Variants in FAM222B observed in about 807,000 individuals in gnomAD.
The protein encoded by FAM222B is protein FAM222B.
In FAM222B, 12 loss-of-function variants were observed where a neutral mutation model predicts 38.0. The observed-to-expected ratio is 0.32, with a 90% CI of 0.20 to 0.51. FAM222B has a LOEUF of 0.51. Among genes scored for constraint, FAM222B ranks in the 20% least tolerant of loss-of-function variants. The pLI is 0.97. For synonymous variants in FAM222B, 329 were observed against 317.2 expected, an observed-to-expected ratio of 1.04 and a Z score of -0.40; for missense variants, 716 against 754.2, an observed-to-expected ratio of 0.95 and a Z score of 0.59.
intron 1 of FAM222B, among the ~76,000 whole-genome samples, chr17:28,840,901 C>T (rs1319128648): frequency 6.6e-6 from 1 of 151,962 alleles, no homozygotes; most frequent in African/African-American, 2.4e-5. Context: ...GCGGAGGTTG[C>T]AGTGAACCAA....
chr17:28,822,765 T>G (rs1452821152), intron 1 of FAM222B, among the ~76,000 whole-genome samples: 1 of 117,486 alleles, frequency 8.5e-6, no homozygotes, highest in African/African-American at 3.3e-5. Context: ...ATCACGCCAC[T>G]GCACTCCAGC....
chr17:28,833,555 G>A (rs1418521566), intron 1 of FAM222B, among the ~76,000 whole-genome samples: 1 of 145,010 alleles, frequency 6.9e-6, no homozygotes, highest in Non-Finnish European at 1.5e-5. Flanking sequence ...TGAGGTTGCA[G>A]TCAGCTGAGA....
intron 1 of FAM222B, among the ~76,000 whole-genome samples, chr17:28,813,038 GGGGAGGGGGGGGC>G (rs2037865060): frequency 1.4e-5 from 1 of 71,286 alleles, no homozygotes; most frequent in Non-Finnish European, 3.2e-5. Context: ...GGGGGGGGGG[GGGGAGGGGGGGGC>G]GTTGGAGGCA....
Position 28,758,860 on chromosome 17 carries a change from G to A in FAM222B, c.1099C>T (p.Gln367Ter). Residue 367 changes from glutamine to a stop codon, truncating the protein, a stop_gained, in exon 3 of 3, where the codon CAG becomes TAG. Transcript: ENST00000581407. LOFTEE classifies it high-confidence loss of function. ...PSDLKPVTWNQHQLAHLQQMC... is the reference protein window; with the variant it reads ...PSDLKPVTWN ...TGCTGTAGGTGGGCCAGCTGGTGCTGGTTCCAGGTGACTGGCTTGAGGTCG... is the reference window on the plus strand; with the variant it reads ...TGCTGTAGGTGGGCCAGCTGGTGCTAGTTCCAGGTGACTGGCTTGAGGTCG... 1 of 1,606,014 alleles carries A rather than the reference G, an allele frequency of 6.2e-7. No individual in the cohort carries two copies. Among genetic ancestry groups the A allele is most frequent in the Non-Finnish European group, 8.5e-7 (1 of 1,176,856 alleles).
At chr17:28,831,128 G>A (rs2038655012) in intron 1 of FAM222B, among the ~76,000 whole-genome samples, 1 of 151,446 alleles carries the variant, frequency 6.6e-6, no homozygotes, top group African/African-American at 2.4e-5. Flanking sequence ...CTGAGTAGCT[G>A]GGACTACAGG....
At chr17:28,760,598 AAG>A (rs1555569742) in intron 2 of FAM222B, among the ~76,000 whole-genome samples, 3 of 151,798 alleles carry the variant, frequency 2.0e-5, no homozygotes, top group Admixed American at 1.3e-4. Context: ...AAAAAAAAAA[AAG>A]AGAGAAATGC....
chr17:28,825,989 G>A (rs970875964), intron 1 of FAM222B, among the ~76,000 whole-genome samples: 4 of 152,050 alleles, frequency 2.6e-5, no homozygotes, highest in African/African-American at 9.7e-5. Flanking sequence ...GGCCAGGCTG[G>A]TCTTGAACTC....
rs35921944 is a variant in FAM222B at position 28,814,770 on chromosome 17, C to CTTT, written c.-41+27909_-41+27911dup. Among the ~76,000 whole-genome samples the CTTT allele has an allele frequency of 1.8e-3, 206 of 117,558 alleles. 4 individuals are homozygous for CTTT. The East Asian group carries it at 0.021, about 12-fold the overall frequency. The allele number at this position is 117,558 out of a possible 152,430, so 77.1% of individuals were successfully genotyped here. ...GCATGAGCCAACGTGCCAGGCCGAT[C>CTTT]TTTTTTTTTTTTTTTTTTTTGAGAT... is the stretch of plus-strand genomic sequence containing the variant. On this transcript the variant is annotated intron_variant, in intron 1 of 2. Coordinates refer to ENST00000581407, the MANE Select transcript of FAM222B (RefSeq NM_001077498.3).
intron 2 of FAM222B, among the ~76,000 whole-genome samples, chr17:28,765,525 A>G (rs1245143961): frequency 6.6e-6 from 1 of 152,186 alleles, no homozygotes; most frequent in Admixed American, 6.5e-5. Flanking sequence ...TATCAAAGGG[A>G]AGCCTAGCCA....
At chr17:28,809,910 A>G (rs562060892) in intron 1 of FAM222B, among the ~76,000 whole-genome samples, 1 of 152,248 alleles carries the variant, frequency 6.6e-6, no homozygotes, top group East Asian at 1.9e-4. Flanking sequence ...GAACATAAAA[A>G]CCACCCAGAT....
chr17:28,830,990 CT>C (rs56073818), intron 1 of FAM222B, among the ~76,000 whole-genome samples: 34,153 of 117,322 alleles, frequency 0.29, 3,819 homozygotes, highest in South Asian at 0.39. Flanking sequence ...GTGAATGTTT[CT>C]TTTTTTTTTT....
intron 1 of FAM222B, among the ~76,000 whole-genome samples, chr17:28,778,717 ATATTTTTTTTTT>A (rs2036022793): frequency 1.7e-5 from 1 of 58,386 alleles, no homozygotes; most frequent in East Asian, 4.6e-4. Flanking sequence ...ATATATATAT[ATATTTTTTTTTT>A]TTTTTTTTTT....
At chr17:28,814,851 G>A (rs1357434379) in intron 1 of FAM222B, among the ~76,000 whole-genome samples, 1 of 145,980 alleles carries the variant, frequency 6.9e-6, no homozygotes, top group African/African-American at 2.6e-5. Context: ...TTGGCTCACT[G>A]CAACCTCTGC....
rs2151784382 is a variant in FAM222B, at chr17:28,766,678, C to T, written c.-11G>A. 1 of 1,595,160 alleles carries T rather than the reference C, an allele frequency of 6.3e-7. No homozygotes were observed. Among genetic ancestry groups the T allele is most frequent in the Non-Finnish European group, 8.5e-7 (1 of 1,170,240 alleles). Reference sequence around the variant, plus strand: ...TAGACAGGCTAGCATGGCAGATTGGCATCAACACAACATGGGGCAGTGGCT... The same window carrying T: ...TAGACAGGCTAGCATGGCAGATTGGTATCAACACAACATGGGGCAGTGGCT... On this transcript the variant is annotated 5_prime_UTR_variant, in exon 2 of 3. An upstream start codon of the reference 5' UTR is lost. Coordinates refer to ENST00000581407, the MANE Select transcript of FAM222B (RefSeq NM_001077498.3).
chr17:28,818,473 A>G (rs1480350120), intron 1 of FAM222B, among the ~76,000 whole-genome samples: 1 of 151,800 alleles, frequency 6.6e-6, no homozygotes, highest in African/African-American at 2.4e-5. Flanking sequence ...GCTTGCAGTC[A>G]GCCGAGATCG....
intron 1 of FAM222B, among the ~76,000 whole-genome samples, chr17:28,822,832 A>AATATATATAT (rs1254235399): frequency 1.5e-3 from 63 of 42,790 alleles, no homozygotes; most frequent in African/African-American, 2.5e-3. Flanking sequence ...AAAAAAAAAA[A>AATATATATAT]ATATATATAT....
chr17:28,833,012 A>T (rs2038719149), intron 1 of FAM222B, among the ~76,000 whole-genome samples: 2 of 99,030 alleles, frequency 2.0e-5, no homozygotes, highest in African/African-American at 6.7e-5. Context: ...TCTCTATTAA[A>T]AAAAAAAAAA....
At chr17:28,827,275 T>A (rs761999719) in intron 1 of FAM222B, among the ~76,000 whole-genome samples, 1 of 152,082 alleles carries the variant, frequency 6.6e-6, no homozygotes, top group Non-Finnish European at 1.5e-5. Flanking sequence ...GAGGATTGCT[T>A]GAGCCCAAGA....
chr17:28,759,394 T>A lies in FAM222B; in HGVS notation c.565A>T (p.Ser189Cys). 6.2e-7 allele frequency: 1 copy of A among 1,603,240 alleles called. No individual in the cohort carries two copies. The highest frequency in any genetic ancestry group is 8.5e-7 in the Non-Finnish European group (1 of 1,176,102). ...PPPQALSHPQ[S>C]LQQPQGLGHP... ...CCCAGGCCCTGAGGCTGCTGGAGGC[T>A]CTGAGGGTGGGACAGTGCCTGGGGT... The change falls in exon 3 of 3, where the codon AGC becomes TGC. Residue 189 changes from serine (S) to cysteine (C), a missense_variant. Physicochemically the swap from Ser to Cys is moderately radical, Grantham distance 112. Coordinates refer to ENST00000581407, the MANE Select transcript of FAM222B (RefSeq NM_001077498.3). This position sits in a 1 kb window ranked among gnomAD's most constrained non-coding sequence, Gnocchi z 4.8.
Sources: gnomAD v4.1 joint callset for allele counts (sites outside exome capture counted in the v4.1 genomes callset) on GRCh38, gnomAD v4.1.1 for gene constraint, Gnocchi (gnomAD v3.1) non-coding constraint, MANE v1.5 for transcripts, NCBI Gene and HGNC (gene_info 2026-07-23, HGNC 2026-07-21) for gene names.